PRKDC: variants seen among roughly 807,000 people sequenced by gnomAD.
PRKDC encodes DNA-dependent protein kinase catalytic subunit.
In PRKDC, 82 loss-of-function variants were observed where a neutral mutation model predicts 486.9. The observed-to-expected ratio is 0.17, with a 90% CI of 0.14 to 0.20. The LOEUF is 0.20. PRKDC is among the 10% of genes least tolerant of loss of function. The pLI is 1.00. For missense variants in PRKDC, 4,504 were observed against 5,038.2 expected (o/e 0.89, Z 3.21); for synonymous variants, 1,895 against 1,837.0 (o/e 1.03, Z -0.81).
At chr8:47,947,633 G>C (rs1487475044) in intron 7 of PRKDC, among the ~76,000 whole-genome samples, 1 of 152,186 alleles carries the variant, frequency 6.6e-6, no homozygotes, top group Non-Finnish European at 1.5e-5. Context: ...TTGGGGCCGG[G>C]TACAGTGGCT....
intron 5 of PRKDC, 55 bp downstream of exon 5, chr8:47,954,283 T>C (rs2090669339): frequency 2.7e-6 from 2 of 752,974 alleles, no homozygotes; most frequent in Non-Finnish European, 3.9e-6. Context: ...ATGCTAATAA[T>C]TTGTTAATAT....
Position 47,799,273 on chromosome 8 carries a change from C to T in PRKDC, c.10234G>A (p.Ala3412Thr), listed in dbSNP as rs759851053. 1.4e-5 allele frequency: 23 copies of T among 1,613,852 alleles called. No individual in the cohort carries two copies. Among genetic ancestry groups the T allele is most frequent in the Non-Finnish European group, 1.9e-5 (22 of 1,179,892 alleles). ...CAGAAATCTGCCAGCGTCATGTAAGCATCAATCACCCCAGCTGCAGGCCCA... is the reference window on the plus strand; with the variant it reads ...CAGAAATCTGCCAGCGTCATGTAAGTATCAATCACCCCAGCTGCAGGCCCA... ...SCGPAAGVIDAYMTLADFCDQ... is the reference protein window; with the variant it reads ...SCGPAAGVIDTYMTLADFCDQ... Residue 3412 changes from alanine to threonine, a missense_variant, in exon 72 of 86, where the codon GCT (alanine) becomes ACT (threonine). Around this residue, in one of 6 missense-constraint regions of PRKDC, gnomAD observed 706 missense variants for 945.0 expected, o/e 0.75. Coordinates refer to ENST00000314191, the MANE Select transcript of PRKDC (RefSeq NM_006904.7).
chr8:47,826,599 C>G, intron 63 of PRKDC, 57 bp downstream of exon 63: 1 of 1,505,390 alleles, frequency 6.6e-7, no homozygotes, highest in Non-Finnish European at 9.0e-7. Context: ...CAAGTGTTTT[C>G]CGTATTGCTT....
intron 7 of PRKDC, 61 bp downstream of exon 7, chr8:47,953,559 G>T: frequency 7.2e-7 from 1 of 1,389,776 alleles, no homozygotes. Context: ...GAAATAATCA[G>T]GCATTGCTGG....
intron 56 of PRKDC, among the ~76,000 whole-genome samples, 184 bp downstream of exon 56, chr8:47,838,964 T>C (rs899957113): frequency 6.6e-6 from 1 of 152,262 alleles, no homozygotes; most frequent in African/African-American, 2.4e-5. Context: ...GTTGTCAGGA[T>C]TGTAAAGCCT....
At chr8:47,935,643 G>T in intron 13 of PRKDC, 89 bp downstream of exon 13, 2 of 1,395,950 alleles carry the variant, frequency 1.4e-6, no homozygotes, top group Non-Finnish European at 1.9e-6. Flanking sequence ...AGATACAAAA[G>T]AATTTGGTAA....
intron 4 of PRKDC, among the ~76,000 whole-genome samples, chr8:47,955,250 CAGG>C (rs2090682402): frequency 6.6e-6 from 1 of 151,438 alleles, no homozygotes; most frequent in African/African-American, 2.4e-5. Flanking sequence ...ATCACGAGGT[CAGG>C]AGATCGAGAC....
At position 47,863,597 on chromosome 8, in the gene PRKDC, A is replaced by T; in HGVS notation, c.5572-20T>A. 6.4e-7 allele frequency: 1 copy of T among 1,571,874 alleles called. No individual in the cohort carries two copies. The highest frequency in any genetic ancestry group is 8.7e-7 in the Non-Finnish European group (1 of 1,145,804). ...ATTTAGCTTCAAAAAGGTAAAAAAT[A>T]ATTATCTTTGGTCTTATTAAACATG... is the stretch of plus-strand genomic sequence containing the variant. On this transcript the variant is annotated intron_variant, in intron 41 of 85. Coordinates refer to ENST00000314191, the MANE Select transcript of PRKDC (RefSeq NM_006904.7).
chr8:47,930,677 A>G lies in PRKDC; in HGVS notation c.1887T>C (p.Phe629=), dbSNP rs2090235446. 1 of 1,563,838 alleles carries G rather than the reference A, an allele frequency of 6.4e-7. No individual in the cohort carries two copies. The highest frequency in any genetic ancestry group is 8.7e-7 in the Non-Finnish European group (1 of 1,154,316). Residue 629 remains phenylalanine, a synonymous_variant, in exon 17 of 86, where the codon TTT becomes TTC. Transcript: ENST00000314191. ...ATTAGAATTTTACCAAATACCTGCAAAATTCCACCAGGTTAATGAAAGCCG... is the reference window on the plus strand; with the variant it reads ...ATTAGAATTTTACCAAATACCTGCAGAATTCCACCAGGTTAATGAAAGCCG... ...DFSAFINLVE[F]CREILPEKQA...
chr8:47,936,626 C>CTT, intron 11 of PRKDC, 109 bp from the exon 12 acceptor site: 59 of 1,133,614 alleles, frequency 5.2e-5, no homozygotes, highest in Non-Finnish European at 6.0e-5. Flanking sequence ...AACAAGGCTT[C>CTT]TTTTTTTTTT....
At chr8:47,877,221 A>G (rs931213975) in intron 40 of PRKDC, among the ~76,000 whole-genome samples, 5 of 152,254 alleles carry the variant, frequency 3.3e-5, no homozygotes, top group Admixed American at 6.5e-5. Context: ...GAAGAGACAT[A>G]ACAGTGAAAT....
chr8:47,904,120 T>C (rs1316444603), intron 26 of PRKDC, among the ~76,000 whole-genome samples: 1 of 152,142 alleles, frequency 6.6e-6, no homozygotes, highest in Non-Finnish European at 1.5e-5. Context: ...CTGCCCTCAG[T>C]GAGCTGGCGA....
intron 54 of PRKDC, among the ~76,000 whole-genome samples, chr8:47,843,246 T>C (rs764231370): frequency 1.3e-5 from 2 of 152,068 alleles, no homozygotes; most frequent in Non-Finnish European, 2.9e-5. Context: ...AGGAATTTCA[T>C]AATACAGTTG....
Position 47,898,514 on chromosome 8 carries a change from CT to C in PRKDC, c.3419del (p.Lys1140ArgfsTer6). The stretch of plus-strand genomic sequence containing the variant: ...TTGCTTTATTTAAAGAAACATGCTT[CT>C]TTTCAATGATGCGGCATAGGTGATC... ...AIDHLCRIIE[K>X]KHVSLNKAKK... is the part of the protein sequence containing the mutation. On this transcript the variant is annotated frameshift_variant, in exon 29 of 86. Transcript: ENST00000314191. LOFTEE classifies it high-confidence loss of function. 6.4e-7 allele frequency: 1 copy of C among 1,565,804 alleles called. No homozygotes were observed. The highest frequency in any genetic ancestry group is 1.8e-5 in the Admixed American group (1 of 55,008).
At chr8:47,919,884 T>C (rs1014263641) in intron 21 of PRKDC, among the ~76,000 whole-genome samples, 1 of 152,194 alleles carries the variant, frequency 6.6e-6, no homozygotes, top group Non-Finnish European at 1.5e-5. Flanking sequence ...TGCGACATGT[T>C]CGTGATGGCC....
intron 57 of PRKDC, 100 bp from the exon 58 acceptor site, chr8:47,836,627 A>T: frequency 9.1e-7 from 1 of 1,097,440 alleles, no homozygotes; most frequent in Non-Finnish European, 1.3e-6. Context: ...TAATGGTACC[A>T]TCAGCATATT....
intron 83 of PRKDC, 44 bp downstream of exon 83, chr8:47,778,415 T>C (rs542751417): frequency 3.8e-6 from 6 of 1,578,342 alleles, no homozygotes; most frequent in Admixed American, 1.8e-5. Flanking sequence ...AGTCCTATGA[T>C]GACTCTCGCC....
At position 47,817,439 on chromosome 8, in the gene PRKDC, C is replaced by A; in HGVS notation, c.9557+11G>T. The A allele has an allele frequency of 6.5e-7, 1 of 1,539,914 alleles. No homozygotes were observed. Among genetic ancestry groups the A allele is most frequent in the Non-Finnish European group, 8.9e-7 (1 of 1,123,184 alleles). ...ACAATCCACATTTGACTGAAAGGGA[C>A]CACGTCTTACCGATTTGTGATGATG... On this transcript the variant is annotated intron_variant, in intron 68 of 85. Transcript: ENST00000314191.
chr8:47,860,437 CT>C (rs1364271780), intron 45 of PRKDC, among the ~76,000 whole-genome samples: 7 of 152,204 alleles, frequency 4.6e-5, no homozygotes, highest in Non-Finnish European at 1.0e-4. Flanking sequence ...GTAAGAAGGG[CT>C]GCAGGGGAGG....
Sources: allele counts gnomAD v4.1 joint callset (sites outside exome capture counted in the v4.1 genomes callset), GRCh38; gene constraint gnomAD v4.1.1; regional missense constraint gnomAD v4.1.1; transcripts MANE v1.5; gene names NCBI Gene and HGNC (gene_info 2026-07-23, HGNC 2026-07-21).